The following SWAP70 variants were observed in gnomAD, a reference collection of about 807,000 sequenced individuals.
SWAP70 encodes switch-associated protein 70.
Under a neutral mutation model 80.2 loss-of-function variants are expected in SWAP70, and 34 were observed. The observed-to-expected ratio is 0.42, with a 90% CI of 0.32 to 0.56. SWAP70 has a LOEUF of 0.56. Among genes scored for constraint, SWAP70 ranks in the 20% least tolerant of loss-of-function variants. The pLI is 0.09. For synonymous variants in SWAP70, 239 were observed against 238.5 expected (o/e 1.00, Z -0.02); for missense variants, 578 against 690.7 (o/e 0.84, Z 1.83).
At chr11:9,711,382 T>A (rs2134472639) in intron 2 of SWAP70, among the ~76,000 whole-genome samples, 1 of 152,262 alleles carries the variant, frequency 6.6e-6, no homozygotes, top group South Asian at 2.1e-4. Flanking sequence ...TAATGGAAAT[T>A]TGCCTTTTAT....
intron 2 of SWAP70, among the ~76,000 whole-genome samples, chr11:9,709,135 T>TC (rs1850961603): frequency 2.0e-5 from 3 of 151,572 alleles, no homozygotes; most frequent in South Asian, 2.1e-4. Flanking sequence ...GATTTTTTTT[T>TC]CCCCCTCAGA....
chr11:9,696,505 T>C (rs1850759318), intron 2 of SWAP70, among the ~76,000 whole-genome samples: 1 of 152,026 alleles, frequency 6.6e-6, no homozygotes, highest in African/African-American at 2.4e-5. Flanking sequence ...TACACACACA[T>C]GCACCCACAC....
Position 9,695,738 on chromosome 11 carries a change from T to G in SWAP70, c.240+1452T>G, listed in dbSNP as rs182382015. 4.9e-4 allele frequency among the ~76,000 whole-genome samples: 74 copies of G among 152,210 alleles called. No homozygotes were observed. The East Asian group carries it at 8.3e-3, about 17-fold the overall frequency. On this transcript the variant is annotated intron_variant, in intron 2 of 11. Transcript: ENST00000318950. Reference sequence around the variant, plus strand: ...CGTGCTGCACAGGTATCCGTTTTTTTTTGTTGTTGTTGTTGTTTTTGTTTT... The same window carrying G: ...CGTGCTGCACAGGTATCCGTTTTTTGTTGTTGTTGTTGTTGTTTTTGTTTT...
chr11:9,724,931 CA>C (rs1277513842), intron 4 of SWAP70, 46 bp downstream of exon 4: 8 of 1,267,132 alleles, frequency 6.3e-6, no homozygotes, highest in African/African-American at 1.5e-5. Flanking sequence ...TAGAATTTGA[CA>C]TTTTAAAATT....
intron 7 of SWAP70, among the ~76,000 whole-genome samples, chr11:9,735,620 G>A (rs543856792): frequency 7.2e-5 from 11 of 152,280 alleles, no homozygotes; most frequent in East Asian, 3.9e-4. Flanking sequence ...TCACTGTGCC[G>A]GAAGAAAAAG....
At chr11:9,670,264 A>T (rs1443287331) in intron 1 of SWAP70, among the ~76,000 whole-genome samples, 1 of 152,170 alleles carries the variant, frequency 6.6e-6, no homozygotes, top group African/African-American at 2.4e-5. Flanking sequence ...TGGGAGGAGG[A>T]CGGGAAAGGA....
intron 1 of SWAP70, among the ~76,000 whole-genome samples, chr11:9,675,405 GAGAGAGAGA>G (rs1850483837): frequency 2.2e-5 from 3 of 137,222 alleles, no homozygotes; most frequent in South Asian, 2.6e-4. Context: ...GAGAGAGAGA[GAGAGAGAGA>G]GAGAGAGGAG....
chr11:9,672,215 A>G (rs1301883490), intron 1 of SWAP70, among the ~76,000 whole-genome samples: 1 of 132,516 alleles, frequency 7.5e-6, no homozygotes, highest in Non-Finnish European at 1.6e-5. Context: ...ATATATATAT[A>G]TATATATATA....
At chr11:9,671,590 A>G (rs1186547102) in intron 1 of SWAP70, among the ~76,000 whole-genome samples, 4 of 34,000 alleles carry the variant, frequency 1.2e-4, no homozygotes, top group African/African-American at 3.5e-4. Context: ...ATATTTCTAT[A>G]TATAAATATA....
At chr11:9,684,978 A>G (rs1318848083) in intron 1 of SWAP70, among the ~76,000 whole-genome samples, 1 of 152,180 alleles carries the variant, frequency 6.6e-6, no homozygotes, top group Non-Finnish European at 1.5e-5. Context: ...TGAGAAAGAT[A>G]AAGAAGCTTG....
At chr11:9,728,281 GA>G in intron 5 of SWAP70, 82 bp downstream of exon 5, 1 of 1,353,836 alleles carries the variant, frequency 7.4e-7, no homozygotes, top group Non-Finnish European at 9.8e-7. Flanking sequence ...CTTCCACCTA[GA>G]CTCTAGAACC....
intron 1 of SWAP70, among the ~76,000 whole-genome samples, chr11:9,673,644 T>G (rs1432625775): frequency 1.3e-5 from 2 of 152,222 alleles, no homozygotes; most frequent in Admixed American, 1.3e-4. Context: ...TTGGTCTCTC[T>G]GTGTAGCTTT....
chr11:9,729,301 A>G (rs1851265006), intron 5 of SWAP70, 42 bp from the exon 6 acceptor site: 1 of 1,186,642 alleles, frequency 8.4e-7, no homozygotes, highest in East Asian at 2.3e-5. Flanking sequence ...TTTCATTTAA[A>G]TACTTAAAAT....
intron 9 of SWAP70, among the ~76,000 whole-genome samples, chr11:9,743,133 A>T (rs2133817937): frequency 7.0e-6 from 1 of 142,880 alleles, no homozygotes; most frequent in East Asian, 2.1e-4. Context: ...CCCACCTATG[A>T]GTGAGAATAT....
At chr11:9,749,822 GAATAT>G (rs1851561928) in intron 11 of SWAP70, 37 bp from the exon 12 acceptor site, 1 of 1,297,656 alleles carries the variant, frequency 7.7e-7, no homozygotes, top group African/African-American at 1.5e-5. Flanking sequence ...GTATCCTGAA[GAATAT>G]AATACTTCCT....
chr11:9,736,431 T>C (rs1445221236), intron 7 of SWAP70, among the ~76,000 whole-genome samples: 1 of 127,146 alleles, frequency 7.9e-6, no homozygotes, highest in Non-Finnish European at 1.5e-5. Context: ...TGTCTCATAA[T>C]TTCTTGTAGA....
rs1851586704 is a variant in SWAP70, at chr11:9,751,295, C to G, written c.*1325C>G. 1 of 152,198 alleles carries G rather than the reference C, an allele frequency of 6.6e-6. No individual in the cohort carries two copies. The highest frequency in any genetic ancestry group is 2.1e-4 in the South Asian group (1 of 4,828). 9.4% of individuals were successfully genotyped at this position (152,198 alleles called of 1,614,324 possible). The stretch of plus-strand genomic sequence containing the variant: ...GAGGAAATATCCAACAGAAATACGT[C>G]TAACAGGGAAATTGGGATCATAGTT... On this transcript the variant is annotated 3_prime_UTR_variant, in exon 12 of 12. Transcript: ENST00000318950.
intron 3 of SWAP70, among the ~76,000 whole-genome samples, 175 bp from the exon 4 acceptor site, chr11:9,724,483 G>C (rs1419957729): frequency 1.3e-5 from 2 of 152,188 alleles, no homozygotes; most frequent in Non-Finnish European, 2.9e-5. Flanking sequence ...ATACAGACCA[G>C]TGGCATTTTA....
intron 2 of SWAP70, among the ~76,000 whole-genome samples, chr11:9,697,627 G>C (rs1246975181): frequency 6.6e-6 from 1 of 152,142 alleles, no homozygotes; most frequent in Non-Finnish European, 1.5e-5. Flanking sequence ...CAAGAATTTT[G>C]CAGCAAAGAT....
Sources: gnomAD v4.1 joint callset for allele counts (sites outside exome capture counted in the v4.1 genomes callset) on GRCh38, gnomAD v4.1.1 for gene constraint, MANE v1.5 for transcripts, NCBI Gene and HGNC (gene_info 2026-07-23, HGNC 2026-07-21) for gene names.